PRKN: variants seen among roughly 807,000 people sequenced by gnomAD.
The protein encoded by PRKN is E3 ubiquitin-protein ligase parkin.
Under a neutral mutation model 59.5 loss-of-function variants are expected in PRKN, and 56 were observed. The ratio of observed to expected loss-of-function variants is 0.94; its 90% CI spans 0.76 to 1.18. The LOEUF is 1.18. Ranked by LOEUF, PRKN falls within the 50% of genes most tolerant of loss-of-function variation. The pLI is 0.00. For missense variants in PRKN, 657 were observed against 596.4 expected, an observed-to-expected ratio of 1.10 and a Z score of -1.06; for synonymous variants, 250 against 222.1, an observed-to-expected ratio of 1.13 and a Z score of -1.12.
chr6:162,215,510 T>C (rs930109409), intron 3 of PRKN, among the ~76,000 whole-genome samples: 1 of 152,222 alleles, frequency 6.6e-6, no homozygotes, highest in African/African-American at 2.4e-5. Flanking sequence ...TTCTGTTATC[T>C]GGTGATACTA....
chr6:162,397,364 A>G (rs147065802), intron 2 of PRKN, among the ~76,000 whole-genome samples: 107 of 152,248 alleles, frequency 7.0e-4, no homozygotes, highest in African/African-American at 2.5e-3. Context: ...AATGCCAGGA[A>G]CTCAAATATT....
rs558933793 is a variant in PRKN at position 161,974,953 on chromosome 6, C to A, written c.619-1536G>T. 1.4e-3 allele frequency among the ~76,000 whole-genome samples: 209 copies of A among 152,262 alleles called. 2 individuals carry two copies. Among genetic ancestry groups the A allele is most frequent in the African/African-American group, 4.9e-3 (202 of 41,544 alleles). ...ATGAATGGGTGTGGCTGTGTCCTAA[C>A]AAAACCTTATTTACAAAATATGTGG... On this transcript the variant is annotated intron_variant, in intron 5 of 11. Coordinates refer to ENST00000366898, the MANE Select transcript of PRKN (RefSeq NM_004562.3).
At chr6:162,355,183 T>A (rs1020982024) in intron 2 of PRKN, among the ~76,000 whole-genome samples, 3 of 151,504 alleles carry the variant, frequency 2.0e-5, no homozygotes, top group African/African-American at 7.2e-5. Flanking sequence ...AATAGAGAAA[T>A]TGGACTTTAT....
intron 2 of PRKN, among the ~76,000 whole-genome samples, chr6:162,335,629 C>T (rs975983913): frequency 6.6e-6 from 1 of 152,118 alleles, no homozygotes; most frequent in African/African-American, 2.4e-5. Context: ...AGATTAAATT[C>T]TTTAAAAGAA....
intron 4 of PRKN, among the ~76,000 whole-genome samples, chr6:162,173,418 A>G (rs1257597638): frequency 6.6e-6 from 1 of 152,172 alleles, no homozygotes; most frequent in African/African-American, 2.4e-5. Flanking sequence ...CTTGAGATTT[A>G]AAGTGGCAAC....
At chr6:162,262,875 A>G in intron 2 of PRKN, 110 bp from the exon 3 acceptor site, 2 of 1,427,288 alleles carry the variant, frequency 1.4e-6, no homozygotes, top group Admixed American at 2.0e-5. Flanking sequence ...CAAAAGTGAC[A>G]TGTAACTGAC....
At chr6:162,624,848 G>C (rs902592173) in intron 1 of PRKN, among the ~76,000 whole-genome samples, 2 of 152,208 alleles carry the variant, frequency 1.3e-5, no homozygotes, top group Admixed American at 6.5e-5. Flanking sequence ...AGAGAACACA[G>C]CAGGGATGTG....
chr6:162,247,108 A>G (rs1779230883), intron 3 of PRKN, among the ~76,000 whole-genome samples: 1 of 152,138 alleles, frequency 6.6e-6, no homozygotes, highest in Admixed American at 6.6e-5. Context: ...TACTATATAT[A>G]TTTATAGCTT....
At chr6:162,160,107 A>G (rs975395256) in intron 4 of PRKN, among the ~76,000 whole-genome samples, 8 of 152,238 alleles carry the variant, frequency 5.3e-5, no homozygotes, top group African/African-American at 1.9e-4. Flanking sequence ...GAATGCAAAG[A>G]CAAGCATGCA....
At chr6:162,202,325 C>T (rs544621426) in intron 3 of PRKN, among the ~76,000 whole-genome samples, 10 of 152,064 alleles carry the variant, frequency 6.6e-5, no homozygotes, top group South Asian at 2.1e-4. Flanking sequence ...CTTCATTTCC[C>T]GAATTTACAA....
intron 5 of PRKN, among the ~76,000 whole-genome samples, chr6:162,031,528 TTTTC>T (rs1783639475): frequency 7.4e-6 from 1 of 134,856 alleles, no homozygotes; most frequent in South Asian, 2.1e-4. Flanking sequence ...TTTCTTTTTC[TTTTC>T]TTTTTCTTTT....
chr6:161,960,765 T>G (rs981235759), intron 6 of PRKN, among the ~76,000 whole-genome samples: 2 of 152,132 alleles, frequency 1.3e-5, no homozygotes, highest in Non-Finnish European at 2.9e-5. Flanking sequence ...GAAATGAAAG[T>G]CAGTCTGTGG....
chr6:161,366,911 G>GT (rs1186017038), intron 10 of PRKN, among the ~76,000 whole-genome samples: 4 of 125,208 alleles, frequency 3.2e-5, no homozygotes, highest in African/African-American at 5.8e-5. Context: ...TCGCTTTTTT[G>GT]TTTTTTTTCT....
At chr6:162,020,027 A>C (rs1176206313) in intron 5 of PRKN, among the ~76,000 whole-genome samples, 1 of 151,684 alleles carries the variant, frequency 6.6e-6, no homozygotes, top group Non-Finnish European at 1.5e-5. Context: ...CTCAAAGGAA[A>C]AAAAAAAAAT....
intron 4 of PRKN, among the ~76,000 whole-genome samples, chr6:162,129,052 C>A (rs1781238365): frequency 1.3e-5 from 2 of 152,164 alleles, no homozygotes; most frequent in South Asian, 4.1e-4. Flanking sequence ...TTTTGAGAAT[C>A]ATCTAAAGGA....
intron 7 of PRKN, among the ~76,000 whole-genome samples, chr6:161,741,258 G>A (rs1788170540): frequency 6.6e-6 from 1 of 152,162 alleles, no homozygotes; most frequent in Admixed American, 6.5e-5. Flanking sequence ...TAATTCCGTG[G>A]ATTTATTCAG....
chr6:161,835,819 G>A (rs1429027002), intron 6 of PRKN, among the ~76,000 whole-genome samples: 1 of 152,198 alleles, frequency 6.6e-6, no homozygotes, highest in African/African-American at 2.4e-5. Context: ...TAAGCCTGGA[G>A]GGTTTGCAAA....
intron 2 of PRKN, among the ~76,000 whole-genome samples, chr6:162,423,935 C>T (rs909113124): frequency 1.3e-5 from 2 of 152,150 alleles, no homozygotes; most frequent in Non-Finnish European, 2.9e-5. Flanking sequence ...TATTTCCACA[C>T]AAAAACCTAC....
intron 2 of PRKN, among the ~76,000 whole-genome samples, chr6:162,284,645 C>A (rs548299885): frequency 6.6e-6 from 1 of 152,264 alleles, no homozygotes; most frequent in South Asian, 2.1e-4. Context: ...ATCCTTATTA[C>A]TGGATTTTCT....
Sources: allele counts gnomAD v4.1 joint callset (sites outside exome capture counted in the v4.1 genomes callset), GRCh38; gene constraint gnomAD v4.1.1; transcripts MANE v1.5; gene names NCBI Gene and HGNC (gene_info 2026-07-23, HGNC 2026-07-21).